Variants in USH2A observed in about 807,000 individuals in gnomAD.
The protein encoded by USH2A is Usher syndrome 2A (autosomal recessive, mild).
USH2A carries 443 observed loss-of-function variants against 538.9 expected under a neutral mutation model. That is an observed-to-expected ratio of 0.82 (90% confidence interval 0.76 to 0.89). The LOEUF (loss-of-function observed/expected upper bound fraction) is 0.89, where lower values mean the gene tolerates loss of function less well. Ranked by LOEUF, USH2A falls within the 40% of genes least tolerant of loss-of-function variation. The pLI is 0.00. For missense variants in USH2A, 6,633 were observed against 6,324.8 expected (o/e 1.05, Z -1.65); for synonymous variants, 2,413 against 2,273.5 (o/e 1.06, Z -1.75).
At chr1:216,298,780 G>A (rs2037155276) in intron 9 of USH2A, among the ~76,000 whole-genome samples, 2 of 152,088 alleles carry the variant, frequency 1.3e-5, no homozygotes, top group Admixed American at 1.3e-4. Context: ...CTCCTTTTAG[G>A]AGGAGCAACA....
Position 215,786,705 on chromosome 1 carries a change from A to G in USH2A, c.10352T>C (p.Ile3451Thr), listed in dbSNP as rs1213731911. Residue 3451 changes from isoleucine to threonine, a missense_variant, in exon 52 of 72, where the codon ATT becomes ACT. Transcript: ENST00000307340. ...EEMCSSAEETIHTGSVNTYSY... is the reference protein window; with the variant it reads ...EEMCSSAEETTHTGSVNTYSY... ...GTACGTGTTTACACTCCCTGTATGA[A>G]TGGTTTCTTCGGCAGATGAACACAT... The G allele has an allele frequency of 1.2e-6, 2 of 1,613,892 alleles. No homozygotes were observed. Among genetic ancestry groups the G allele is most frequent in the Non-Finnish European group, 1.7e-6 (2 of 1,179,928 alleles).
chr1:216,412,336 C>T (rs1558077052), intron 3 of USH2A, among the ~76,000 whole-genome samples: 1 of 152,062 alleles, frequency 6.6e-6, no homozygotes, highest in Admixed American at 6.6e-5. Context: ...ATGGTTTTAC[C>T]TCTTCCATAA....
In USH2A at chr1:216,175,293, T is replaced by G; in HGVS notation, c.4586A>C (p.Lys1529Thr). 4 of 1,613,738 alleles carry G rather than the reference T, an allele frequency of 2.5e-6. No individual in the cohort carries two copies. The highest frequency in any genetic ancestry group is 3.4e-6 in the Non-Finnish European group (4 of 1,179,844). Residue 1529 changes from lysine to threonine, a missense_variant, in exon 21 of 72, where the codon AAA becomes ACA. Lys to Thr is a moderately conservative substitution (Grantham distance 78, BLOSUM62 -1). Transcript: ENST00000307340. ...GACTGGGTGAGTGGAGCTGGGAAAT[T>G]TACAATACCCATTTCCTATGAAACG... ...GIRFIGNGYC[K>T]FPSSTHPVNT...
intron 27 of USH2A, among the ~76,000 whole-genome samples, chr1:216,074,755 T>C (rs1253716871): frequency 2.0e-5 from 3 of 152,194 alleles, no homozygotes; most frequent in African/African-American, 7.2e-5. Context: ...AATTTTCTGA[T>C]GGCACATAAC....
intron 44 of USH2A, among the ~76,000 whole-genome samples, chr1:215,854,217 G>A (rs1664096249): frequency 6.6e-6 from 1 of 152,120 alleles, no homozygotes; most frequent in Non-Finnish European, 1.5e-5. Flanking sequence ...AGTTTGTGCA[G>A]GGAAACTCCC....
At chr1:215,694,539 C>G (rs767076117) in intron 61 of USH2A, among the ~76,000 whole-genome samples, 1 of 152,238 alleles carries the variant, frequency 6.6e-6, no homozygotes, top group African/African-American at 2.4e-5. Flanking sequence ...CGCCACTGCA[C>G]TCCAGCCTGG....
In USH2A at chr1:215,648,563, C is replaced by A. The variant is rs967018021; in HGVS notation, c.14547G>T (p.Trp4849Cys). The change falls in exon 66 of 72, where the codon TGG becomes TGT. Residue 4849 changes from tryptophan (W) to cysteine (C), a missense_variant. Transcript: ENST00000307340. Reference sequence around the variant, plus strand: ...CACCATTGGGGAACATGGGGGGACTCCACCGGAAGGAGGCCGTCCTTGAGG... The same window carrying A: ...CACCATTGGGGAACATGGGGGGACTACACCGGAAGGAGGCCGTCCTTGAGG... ...TLASRTASFR[W>C]SPPMFPNGVI... The A allele has an allele frequency of 6.2e-7, 1 of 1,614,080 alleles. No individual in the cohort carries two copies. The highest frequency in any genetic ancestry group is 8.5e-7 in the Non-Finnish European group (1 of 1,180,048).
intron 35 of USH2A, among the ~76,000 whole-genome samples, chr1:215,979,678 T>G (rs1384275277): frequency 6.6e-6 from 1 of 152,122 alleles, no homozygotes; most frequent in Non-Finnish European, 1.5e-5. Context: ...AAGAAATATC[T>G]TTAGCAGTTA....
At chr1:215,934,905 A>G (rs1047261376) in intron 37 of USH2A, 110 bp from the exon 38 acceptor site, 1 of 1,023,982 alleles carries the variant, frequency 9.8e-7, no homozygotes, top group Non-Finnish European at 1.4e-6. Context: ...ATAGGTCTGT[A>G]ACTTTACCAC....
At chr1:215,748,614 GAC>G (rs1364634265) in intron 58 of USH2A, among the ~76,000 whole-genome samples, 2 of 151,968 alleles carry the variant, frequency 1.3e-5, no homozygotes, top group African/African-American at 4.8e-5. Flanking sequence ...AAGTTTGACA[GAC>G]ACACATTCAT....
chr1:216,030,427 CAT>C (rs200909878), intron 32 of USH2A, among the ~76,000 whole-genome samples: 605 of 49,230 alleles, frequency 0.012, 14 homozygotes, highest in African/African-American at 0.035. Flanking sequence ...ATATCACAGA[CAT>C]ATAATATATA....
rs780114517 is a variant in USH2A at position 215,658,940 on chromosome 1, G to A, written c.14134-8139C>T. ...ATCACCAATTGTGATTAACATCTCC[G>A]TGAAGGATAGTAAATTAGGTAAGAC... On this transcript the variant is annotated intron_variant, in intron 64 of 71. Coordinates refer to ENST00000307340, the MANE Select transcript of USH2A (RefSeq NM_206933.4). Among the ~76,000 whole-genome samples, 11 of 152,118 alleles carry A rather than the reference G, an allele frequency of 7.2e-5. No individual in the cohort carries two copies. The East Asian group carries it at 1.2e-3, about 16-fold the overall frequency.
chr1:216,204,496 A>G (rs1358990624), intron 16 of USH2A: 1 of 152,216 alleles, frequency 6.6e-6, no homozygotes, highest in Non-Finnish European at 1.5e-5. Context: ...GAAGGAAAAT[A>G]TGTCTTAGAG....
intron 69 of USH2A, among the ~76,000 whole-genome samples, chr1:215,635,834 A>G (rs1259242): frequency 6.6e-6 from 1 of 152,146 alleles, no homozygotes; most frequent in Non-Finnish European, 1.5e-5. Context: ...GATTACAGGC[A>G]TGAGCCGCCG....
intron 35 of USH2A, among the ~76,000 whole-genome samples, chr1:215,985,101 C>T (rs1023976436): frequency 3.3e-5 from 5 of 152,146 alleles, no homozygotes; most frequent in Admixed American, 6.5e-5. Context: ...CTAAGTGATT[C>T]GCTGAGTTCT....
intron 21 of USH2A, among the ~76,000 whole-genome samples, chr1:216,125,790 C>G (rs1427801481): frequency 6.6e-6 from 1 of 152,178 alleles, no homozygotes; most frequent in Non-Finnish European, 1.5e-5. Flanking sequence ...AAATAAATCA[C>G]TACACATTTC....
At chr1:216,055,229 T>C (rs2102532773) in intron 30 of USH2A, among the ~76,000 whole-genome samples, 1 of 152,280 alleles carries the variant, frequency 6.6e-6, no homozygotes. Context: ...AGTACAATGC[T>C]CTTATTTATT....
At chr1:216,018,709 G>C (rs115621882) in intron 32 of USH2A, among the ~76,000 whole-genome samples, 2,134 of 152,220 alleles carry the variant, frequency 0.014, 18 homozygotes, top group Middle Eastern at 0.02. Flanking sequence ...TTATGTGAAA[G>C]AGCTCTTTTC....
intron 47 of USH2A, among the ~76,000 whole-genome samples, chr1:215,825,122 A>G (rs1381551942): frequency 6.6e-6 from 1 of 152,032 alleles, no homozygotes; most frequent in African/African-American, 2.4e-5. Context: ...AGTTGTAGTT[A>G]TTTCTTTTTA....
Sources: gnomAD v4.1 joint callset for allele counts (sites outside exome capture counted in the v4.1 genomes callset) on GRCh38, gnomAD v4.1.1 for gene constraint, MANE v1.5 for transcripts, NCBI Gene and HGNC (gene_info 2026-07-23, HGNC 2026-07-21) for gene names.